Variants in SEMA3C observed in about 807,000 individuals in gnomAD.
SEMA3C encodes the protein semaphorin-3C.
A neutral mutation model predicts 89.4 loss-of-function variants in SEMA3C; 47 were observed. That is an observed-to-expected ratio of 0.53 (90% CI 0.42 to 0.67). The LOEUF is 0.67. SEMA3C is among the 30% of genes least tolerant of loss of function. SEMA3C has a pLI of 0.00. For missense variants in SEMA3C, 839 were observed against 929.1 expected (o/e 0.90, Z 1.26); for synonymous variants, 310 against 320.2 (o/e 0.97, Z 0.34).
rs1222635877 is a variant in SEMA3C, at chr7:80,800,740, A to G, written c.986+17T>C. ...GTTTATTGTTTAACTCATAAAATGT[A>G]ACTGTTGAATAATTACCTTGATGTT... is the stretch of plus-strand genomic sequence containing the variant. On this transcript the variant is annotated intron_variant, in intron 10 of 17. Coordinates refer to ENST00000265361, the MANE Select transcript of SEMA3C (RefSeq NM_006379.5). 1 of 1,452,748 alleles carries G rather than the reference A, an allele frequency of 6.9e-7. No homozygotes were observed. Among genetic ancestry groups the G allele is most frequent in the South Asian group, 1.3e-5 (1 of 79,030 alleles). The allele number at this position is 1,452,748 out of a possible 1,614,324, so 90.0% of individuals were successfully genotyped here. A position where few individuals can be genotyped will look rare whatever the true frequency, so the allele number is the denominator to read the frequency against.
At chr7:80,768,354 A>G (rs1788350304) in intron 12 of SEMA3C, among the ~76,000 whole-genome samples, 1 of 152,114 alleles carries the variant, frequency 6.6e-6, no homozygotes, top group Non-Finnish European at 1.5e-5. Context: ...TCTACTAAAA[A>G]ATACAAAAAA....
At chr7:80,855,863 C>G (rs562403571) in intron 2 of SEMA3C, among the ~76,000 whole-genome samples, 49 of 152,148 alleles carry the variant, frequency 3.2e-4, no homozygotes, top group Non-Finnish European at 4.4e-4. Flanking sequence ...TTAGATTTCA[C>G]TTCAACATGC....
In SEMA3C at chr7:80,800,831, A is replaced by G. The variant is rs557815771; in HGVS notation, c.917-5T>C. The G allele has an allele frequency of 2.4e-5, 36 of 1,500,178 alleles. No homozygotes were observed. In the South Asian group the frequency reaches 4.6e-4, roughly 19 times the overall value. 92.9% of individuals were successfully genotyped at this position (1,500,178 alleles called of 1,614,324 possible). On this transcript the variant is annotated splice_region_variant and splice_polypyrimidine_tract_variant and intron_variant, in intron 9 of 17. Coordinates refer to ENST00000265361, the MANE Select transcript of SEMA3C (RefSeq NM_006379.5). ...TTTCCAGCAGAAACACATCCTCTAT[A>G]AAAAGGAAAATATTCTTTTAAAGTT...
Position 80,817,226 on chromosome 7 carries a change from G to T in SEMA3C, c.447+1073C>A, listed in dbSNP as rs187519813. Among the ~76,000 whole-genome samples the T allele has an allele frequency of 5.5e-4, 84 of 152,036 alleles. 1 individual carries two copies. The highest frequency in any genetic ancestry group is 1.2e-3 in the South Asian group (6 of 4,810). On this transcript the variant is annotated intron_variant, in intron 5 of 17. Coordinates refer to ENST00000265361, the MANE Select transcript of SEMA3C (RefSeq NM_006379.5). Reference sequence around the variant, plus strand: ...TTAAATGACTTTTTATTCATTAAAAGATACTTATGTATAAATTACATGTCT... The same window carrying T: ...TTAAATGACTTTTTATTCATTAAAATATACTTATGTATAAATTACATGTCT...
chr7:80,843,765 TATA>T (rs1283245687), intron 2 of SEMA3C, among the ~76,000 whole-genome samples: 3 of 152,170 alleles, frequency 2.0e-5, no homozygotes, highest in South Asian at 4.1e-4. Context: ...TGTATTGAAA[TATA>T]ATGAGTGCAC....
intron 13 of SEMA3C, among the ~76,000 whole-genome samples, chr7:80,762,320 G>A (rs1259377338): frequency 1.3e-5 from 2 of 152,032 alleles, no homozygotes; most frequent in Non-Finnish European, 2.9e-5. Context: ...ACCTGCCAGT[G>A]CTGTTTCGGA....
At chr7:80,861,708 A>T (rs965936945) in intron 2 of SEMA3C, among the ~76,000 whole-genome samples, 2 of 152,182 alleles carry the variant, frequency 1.3e-5, no homozygotes, top group Non-Finnish European at 2.9e-5. Flanking sequence ...TTCACCAACC[A>T]TTGTACTAGG....
intron 12 of SEMA3C, among the ~76,000 whole-genome samples, chr7:80,772,719 AT>A (rs908659848): frequency 6.7e-6 from 1 of 148,336 alleles, no homozygotes; most frequent in Non-Finnish European, 1.5e-5. Context: ...TGTTTGTTTT[AT>A]TTTTTTCCTG....
chr7:80,875,911 C>T (rs1332720413), intron 2 of SEMA3C, among the ~76,000 whole-genome samples: 3 of 151,768 alleles, frequency 2.0e-5, no homozygotes, highest in Non-Finnish European at 4.4e-5. Context: ...ACAGTAAGAA[C>T]ACATCTTCTA....
chr7:80,819,540 G>A (rs1050013026), intron 4 of SEMA3C, among the ~76,000 whole-genome samples: 2 of 152,078 alleles, frequency 1.3e-5, no homozygotes, highest in South Asian at 4.1e-4. Flanking sequence ...TTAAGAATTG[G>A]CAAATAAAAC....
chr7:80,817,197 AT>A (rs1583906211), intron 5 of SEMA3C, among the ~76,000 whole-genome samples: 1 of 152,296 alleles, frequency 6.6e-6, no homozygotes, highest in East Asian at 1.9e-4. Flanking sequence ...ATAATTAGTT[AT>A]TTTTAAATGA....
intron 14 of SEMA3C, among the ~76,000 whole-genome samples, chr7:80,760,874 C>T (rs1209459435): frequency 6.6e-6 from 1 of 152,060 alleles, no homozygotes; most frequent in Non-Finnish European, 1.5e-5. Flanking sequence ...GCATGCCAAG[C>T]CTATTTGGAA....
At chr7:80,880,792 A>T (rs1791316947) in intron 2 of SEMA3C, among the ~76,000 whole-genome samples, 1 of 151,922 alleles carries the variant, frequency 6.6e-6, no homozygotes. Context: ...GGGCGTGCTG[A>T]CAGGTGCCTG....
chr7:80,833,762 G>T (rs988291802), intron 2 of SEMA3C, among the ~76,000 whole-genome samples: 2 of 151,600 alleles, frequency 1.3e-5, no homozygotes, highest in Non-Finnish European at 2.9e-5. Context: ...CTTGGGGAGA[G>T]AAACGACCAT....
At chr7:80,872,923 GAAAAAAAAAAAA>G (rs758696880) in intron 2 of SEMA3C, among the ~76,000 whole-genome samples, 3 of 79,642 alleles carry the variant, frequency 3.8e-5, no homozygotes, top group African/African-American at 1.3e-4. Flanking sequence ...GAATGAGAGT[GAAAAAAAAAAAA>G]AAAAAAAAGA....
chr7:80,798,336 C>A, intron 10 of SEMA3C, 100 bp from the exon 11 acceptor site: 1 of 1,083,672 alleles, frequency 9.2e-7, no homozygotes, highest in Non-Finnish European at 1.2e-6. Flanking sequence ...TAATATAATC[C>A]ACCATAGAAA....
At chr7:80,746,736 T>TGTGTGTGTGC (rs1241479167) in intron 17 of SEMA3C, among the ~76,000 whole-genome samples, 1 of 151,492 alleles carries the variant, frequency 6.6e-6, no homozygotes, top group African/African-American at 2.4e-5. Context: ...TGTGTGTGTG[T>TGTGTGTGTGC]GTGTGTGTGT....
At chr7:80,891,121 G>A (rs1351910406) in intron 2 of SEMA3C, among the ~76,000 whole-genome samples, 1 of 152,116 alleles carries the variant, frequency 6.6e-6, no homozygotes, top group Admixed American at 6.5e-5. Context: ...TCTGCTCCAT[G>A]TAATAGAGGT....
At chr7:80,781,223 G>C (rs1788683700) in intron 12 of SEMA3C, among the ~76,000 whole-genome samples, 1 of 152,148 alleles carries the variant, frequency 6.6e-6, no homozygotes, top group Non-Finnish European at 1.5e-5. Flanking sequence ...TCAAAAGTCT[G>C]TAACATTAAA....
Sources: gnomAD v4.1 joint callset for allele counts (sites outside exome capture counted in the v4.1 genomes callset) on GRCh38, gnomAD v4.1.1 for gene constraint, MANE v1.5 for transcripts, NCBI Gene and HGNC (gene_info 2026-07-23, HGNC 2026-07-21) for gene names.